Variants in PLD5 observed in about 807,000 individuals in gnomAD.
PLD5 encodes the protein phospholipase D family member 5.
Under a neutral mutation model 61.1 loss-of-function variants are expected in PLD5, and 36 were observed. The observed-to-expected ratio is 0.59, with a 90% CI of 0.45 to 0.78. The LOEUF is 0.78. PLD5 is among the 30% of genes least tolerant of loss of function. The pLI is 0.00. For synonymous variants in PLD5, 243 were observed against 242.8 expected (o/e 1.00, Z -0.01); for missense variants, 515 against 644.4 (o/e 0.80, Z 2.17).
chr1:242,226,717 A>T lies in PLD5; in HGVS notation c.608-6602T>A, dbSNP rs951646263. On this transcript the variant is annotated intron_variant, in intron 4 of 9. Transcript: ENST00000536534. ...GAAGTCAAATGTTAAAAATCAGGAAACTCCAAATTACTCATTATAACTCCT... is the reference window on the plus strand; with the variant it reads ...GAAGTCAAATGTTAAAAATCAGGAATCTCCAAATTACTCATTATAACTCCT... Among the ~76,000 whole-genome samples, 3 of 152,090 alleles carry T rather than the reference A, an allele frequency of 2.0e-5. No homozygotes were observed. The South Asian group carries it at 6.2e-4, about 32-fold the overall frequency.
intron 3 of PLD5, among the ~76,000 whole-genome samples, chr1:242,287,086 C>T (rs1461260343): frequency 5.3e-5 from 8 of 152,122 alleles, no homozygotes; most frequent in Non-Finnish European, 1.2e-4. Context: ...GATTCCAGAG[C>T]TCTTTGCCTT....
chr1:242,163,060 G>A (rs1345254144), intron 5 of PLD5, among the ~76,000 whole-genome samples: 1 of 152,076 alleles, frequency 6.6e-6, no homozygotes, highest in African/African-American at 2.4e-5. Context: ...AACATCTCAG[G>A]ACTAGGTAAA....
chr1:242,510,689 C>A (rs1174635553), intron 1 of PLD5, among the ~76,000 whole-genome samples: 8 of 151,972 alleles, frequency 5.3e-5, no homozygotes, highest in Admixed American at 1.3e-4. Context: ...ACTAAAAATA[C>A]AAGAAAATAG....
chr1:242,176,980 G>A (rs571675442), intron 5 of PLD5, among the ~76,000 whole-genome samples: 20 of 152,298 alleles, frequency 1.3e-4, no homozygotes, highest in African/African-American at 4.8e-4. Context: ...GTTGGTGGGA[G>A]TGTAAATTAG....
chr1:242,261,915 C>T (rs1019971608), intron 4 of PLD5, among the ~76,000 whole-genome samples: 6 of 152,180 alleles, frequency 3.9e-5, no homozygotes, highest in African/African-American at 1.2e-4. Context: ...AACTGACTGG[C>T]CGTATCTATC....
chr1:242,265,253 G>T (rs1673599170), intron 4 of PLD5, 84 bp downstream of exon 4: 5 of 1,471,150 alleles, frequency 3.4e-6, no homozygotes, highest in Non-Finnish European at 3.6e-6. Flanking sequence ...TAACCATAAA[G>T]AAATTATATA....
At chr1:242,359,542 G>C (rs1660954519) in intron 1 of PLD5, among the ~76,000 whole-genome samples, 1 of 152,206 alleles carries the variant, frequency 6.6e-6, no homozygotes, top group Admixed American at 6.5e-5. Context: ...TGGAGGGAGT[G>C]AAGACTGGGG....
In PLD5 at chr1:242,131,504, G is replaced by A. The variant is rs1663248025; in HGVS notation, c.736-6839C>T. ...TAATTATAGTGCTCGCTGTGCTCCA[G>A]GTACTGTTCTCAAGGCTTCATATGT... On this transcript the variant is annotated intron_variant, in intron 5 of 9. Coordinates refer to ENST00000536534, the MANE Select transcript of PLD5 (RefSeq NM_001372062.1). Among the ~76,000 whole-genome samples, 4 of 152,148 alleles carry A rather than the reference G, an allele frequency of 2.6e-5. No homozygotes were observed. The South Asian group carries it at 8.3e-4, about 32-fold the overall frequency.
intron 1 of PLD5, among the ~76,000 whole-genome samples, chr1:242,465,785 C>T (rs1176902275): frequency 1.3e-5 from 2 of 152,180 alleles, no homozygotes; most frequent in African/African-American, 2.4e-5. Flanking sequence ...AAAAAATTAG[C>T]CAGGCATGGT....
At chr1:242,114,053 TA>T in intron 6 of PLD5, 27 bp from the exon 7 acceptor site, 2 of 1,604,196 alleles carry the variant, frequency 1.2e-6, no homozygotes, top group Non-Finnish European at 1.7e-6. Flanking sequence ...GCCAAACTTT[TA>T]GCGTACTAAT....
chr1:242,100,706 C>A lies in PLD5; in HGVS notation c.1316G>T (p.Arg439Leu), dbSNP rs747669178. The A allele has an allele frequency of 2.4e-5, 38 of 1,613,594 alleles. No individual in the cohort carries two copies. The highest frequency in any genetic ancestry group is 3.1e-5 in the Non-Finnish European group (37 of 1,179,948). The part of the protein sequence containing the change: ...QKNHTFPRLN[R>L]NKYMVTDGAA... Reference sequence around the variant, plus strand: ...TCCATCTGTCACCATGTACTTGTTGCGATTTAACCTAGGAAAGGTGTGATT... The same window carrying A: ...TCCATCTGTCACCATGTACTTGTTGAGATTTAACCTAGGAAAGGTGTGATT... Residue 439 changes from arginine to leucine, a missense_variant, in exon 9 of 10, where the codon CGC becomes CTC. This residue lies in a region of PLD5 where 450 missense variants were observed against 598.1 expected (regional missense o/e 0.75). Transcript: ENST00000536534.
intron 1 of PLD5, among the ~76,000 whole-genome samples, chr1:242,471,846 A>T (rs1667456807): frequency 2.0e-5 from 3 of 152,326 alleles, no homozygotes; most frequent in Non-Finnish European, 2.9e-5. Flanking sequence ...AACCAAGATT[A>T]TGATTTTTCT....
At chr1:242,489,079 T>C (rs1668056077) in intron 1 of PLD5, among the ~76,000 whole-genome samples, 1 of 152,082 alleles carries the variant, frequency 6.6e-6, no homozygotes, top group African/African-American at 2.4e-5. Context: ...TTCAAAAATA[T>C]GATAATGAGT....
chr1:242,108,700 C>T (rs958321244), intron 7 of PLD5, among the ~76,000 whole-genome samples: 5 of 152,182 alleles, frequency 3.3e-5, no homozygotes, highest in African/African-American at 1.2e-4. Flanking sequence ...CATTTGTAGA[C>T]CTTTTGTTTA....
Position 242,437,612 on chromosome 1 carries a change from A to T in PLD5, c.189+86476T>A, listed in dbSNP as rs55719113. Among the ~76,000 whole-genome samples the T allele has an allele frequency of 9.4e-3, 1,430 of 152,004 alleles. 34 individuals carry two copies. Among genetic ancestry groups the T allele is most frequent in the African/African-American group, 0.033 (1,366 of 41,426 alleles). On this transcript the variant is annotated intron_variant, in intron 1 of 9. Coordinates refer to ENST00000536534, the MANE Select transcript of PLD5 (RefSeq NM_001372062.1). ...CTAGGGTGGCTGAGGTAGGAGAATC[A>T]CTTGAACCTGGGAGGCAGAGTTGCA...
chr1:242,210,961 CAA>C (rs1438360452), intron 5 of PLD5: 2 of 152,188 alleles, frequency 1.3e-5, no homozygotes, highest in Non-Finnish European at 2.9e-5. Flanking sequence ...GAAAAAGTTG[CAA>C]AAGAGACATT....
chr1:242,435,667 T>C (rs1412991002), intron 1 of PLD5, among the ~76,000 whole-genome samples: 2 of 152,186 alleles, frequency 1.3e-5, no homozygotes, highest in Non-Finnish European at 2.9e-5. Flanking sequence ...AAAAAAATGT[T>C]GTGACCAGAG....
intron 1 of PLD5, among the ~76,000 whole-genome samples, chr1:242,474,869 T>C (rs750635310): frequency 1.3e-5 from 2 of 152,236 alleles, no homozygotes; most frequent in African/African-American, 4.8e-5. Flanking sequence ...TTGATTGCAC[T>C]TTCTCTGTGC....
intron 1 of PLD5, among the ~76,000 whole-genome samples, chr1:242,468,322 T>G (rs6668946): frequency 0.014 from 2,144 of 152,326 alleles, 55 homozygotes; most frequent in African/African-American, 0.049. Flanking sequence ...ACAAACTGTA[T>G]GTAATAGCCT....
Sources: gnomAD v4.1 joint callset for allele counts (sites outside exome capture counted in the v4.1 genomes callset) on GRCh38, gnomAD v4.1.1 for gene constraint, gnomAD v4.1.1 regional missense constraint, MANE v1.5 for transcripts, NCBI Gene and HGNC (gene_info 2026-07-23, HGNC 2026-07-21) for gene names.